PHF20L1: variants seen among roughly 807,000 people sequenced by gnomAD.
PHF20L1 encodes PHD finger protein 20 like 1.
A neutral mutation model predicts 125.5 loss-of-function variants in PHF20L1; 44 were observed. The observed-to-expected ratio is 0.35, with a 90% confidence interval of 0.28 to 0.45. The LOEUF (loss-of-function observed/expected upper bound fraction) is 0.45. Among genes scored for constraint, PHF20L1 ranks in the 20% least tolerant of loss-of-function variants. The pLI is 1.00. For missense variants in PHF20L1, 1,012 were observed against 1,217.2 expected (o/e 0.83, Z 2.51); for synonymous variants, 380 against 403.1 (o/e 0.94, Z 0.69).
intron 2 of PHF20L1, among the ~76,000 whole-genome samples, 171 bp downstream of exon 2, chr8:132,778,082 A>C (rs1256111083): frequency 6.6e-6 from 1 of 152,192 alleles, no homozygotes; most frequent in African/African-American, 2.4e-5. Flanking sequence ...TTTTAGGTTT[A>C]GCATTTAAAA....
chr8:132,828,223 C>G (rs1327418292), intron 14 of PHF20L1, among the ~76,000 whole-genome samples: 1 of 151,968 alleles, frequency 6.6e-6, no homozygotes, highest in Non-Finnish European at 1.5e-5. Context: ...CCTGCTGGTA[C>G]TTATGTACCC....
At position 132,836,609 on chromosome 8, in the gene PHF20L1, A is replaced by G. The variant is rs1837387179; in HGVS notation, c.1979A>G (p.Asn660Ser). 5.6e-6 allele frequency: 9 copies of G among 1,612,360 alleles called. No individual in the cohort carries two copies. The highest frequency in any genetic ancestry group is 1.1e-5 in the South Asian group (1 of 91,048). Reference sequence around the variant, plus strand: ...TTGCTTCTGAGTGGGGATGAATACAATCAGGACTTTGATTCAACCAATTTT... The same window carrying G: ...TTGCTTCTGAGTGGGGATGAATACAGTCAGGACTTTGATTCAACCAATTTT... Reference protein sequence around the residue: ...ESLLLSGDEYNQDFDSTNFEE... With the variant: ...ESLLLSGDEYSQDFDSTNFEE... The change falls in exon 16 of 21, where the codon AAT (asparagine) becomes AGT (serine). Residue 660 changes from asparagine to serine, a missense_variant. By Grantham distance (46) the Asn-to-Ser change is conservative. Transcript: ENST00000395386.
At chr8:132,793,873 A>G (rs1832072789) in intron 2 of PHF20L1, among the ~76,000 whole-genome samples, 1 of 152,150 alleles carries the variant, frequency 6.6e-6, no homozygotes. Flanking sequence ...GCTAGACAAA[A>G]TTTACATATT....
At position 132,817,044 on chromosome 8, in the gene PHF20L1, C is replaced by G; in HGVS notation, c.1340C>G (p.Ser447Cys). The G allele has an allele frequency of 6.3e-7, 1 of 1,593,472 alleles. No individual in the cohort carries two copies. The highest frequency in any genetic ancestry group is 1.1e-5 in the South Asian group (1 of 88,178). Residue 447 changes from serine to cysteine, a missense_variant, in exon 11 of 21, where the codon TCT becomes TGT. By Grantham distance (112) the Ser-to-Cys change is moderately radical. This residue lies in a region of PHF20L1 where 320 missense variants were observed against 293.8 expected (regional missense o/e 1.09). Coordinates refer to ENST00000395386, the MANE Select transcript of PHF20L1 (RefSeq NM_016018.5). ...ATDGKVFSIS[S>C]QNQQESSVPE... is the part of the protein sequence containing the mutation. ...GATGGGAAAGTATTCTCCATCAGTT[C>G]TCAAAATCAGCAAGAATCTTCAGTA...
intron 1 of PHF20L1, 97 bp downstream of exon 1, chr8:132,775,742 C>A: frequency 3.6e-6 from 1 of 280,778 alleles, no homozygotes; most frequent in Non-Finnish European, 6.6e-6. Context: ...GGCCCGCTCC[C>A]CTCCCGCCTC....
At chr8:132,835,116 T>A (rs1194354612) in intron 15 of PHF20L1, among the ~76,000 whole-genome samples, 1 of 152,152 alleles carries the variant, frequency 6.6e-6, no homozygotes, top group African/African-American at 2.4e-5. Flanking sequence ...AAATATTCTC[T>A]CTCTGACTCT....
intron 5 of PHF20L1, 60 bp downstream of exon 5, chr8:132,798,920 C>A: frequency 8.5e-7 from 1 of 1,180,498 alleles, no homozygotes; most frequent in Non-Finnish European, 1.2e-6. Flanking sequence ...GGTGACTGAT[C>A]AAAATATATT....
intron 14 of PHF20L1, chr8:132,826,035 A>G (rs1430699550): frequency 6.6e-6 from 1 of 152,098 alleles, no homozygotes; most frequent in African/African-American, 2.4e-5. Flanking sequence ...TTTATTTTAA[A>G]TGATTTAAGT....
intron 9 of PHF20L1, chr8:132,812,729 C>G (rs1834539308): frequency 2.0e-6 from 2 of 983,502 alleles, no homozygotes; most frequent in Non-Finnish European, 2.4e-6. Context: ...AGTTATAAAG[C>G]TCTTAATTAC....
intron 14 of PHF20L1, among the ~76,000 whole-genome samples, chr8:132,825,630 G>A (rs1402771621): frequency 2.0e-5 from 3 of 151,980 alleles, no homozygotes; most frequent in Non-Finnish European, 2.9e-5. Flanking sequence ...TGGTAGACTC[G>A]ATGCCCTGAC....
chr8:132,819,760 A>G (rs1835376812), intron 12 of PHF20L1, among the ~76,000 whole-genome samples: 1 of 151,956 alleles, frequency 6.6e-6, no homozygotes, highest in Non-Finnish European at 1.5e-5. Context: ...TTATAAAAGT[A>G]AATTTTCTTA....
chr8:132,804,548 T>A, intron 7 of PHF20L1, 67 bp from the exon 8 acceptor site: 1 of 1,286,660 alleles, frequency 7.8e-7, no homozygotes, highest in Non-Finnish European at 1.1e-6. Context: ...TATTTTGCTG[T>A]TAAAAAATCA....
chr8:132,787,979 T>TACCA (rs991721891), intron 2 of PHF20L1, among the ~76,000 whole-genome samples: 3 of 152,136 alleles, frequency 2.0e-5, no homozygotes, highest in Non-Finnish European at 2.9e-5. Flanking sequence ...TTTTTATGAC[T>TACCA]ACCATAGTTA....
chr8:132,807,054 T>C (rs1833797513), intron 8 of PHF20L1: 1 of 152,030 alleles, frequency 6.6e-6, no homozygotes, highest in Non-Finnish European at 1.5e-5. Flanking sequence ...TAGGTAGACA[T>C]TGACAATATA....
chr8:132,834,612 G>T (rs2131864522), intron 15 of PHF20L1, among the ~76,000 whole-genome samples: 1 of 152,176 alleles, frequency 6.6e-6, no homozygotes, highest in Non-Finnish European at 1.5e-5. Context: ...GGGACTAGAG[G>T]TGTGAGCCGC....
At chr8:132,808,323 G>C (rs1161618965) in intron 8 of PHF20L1, 1 of 152,064 alleles carries the variant, frequency 6.6e-6, no homozygotes, top group Non-Finnish European at 1.5e-5. Flanking sequence ...TTAATAAACT[G>C]GGTCTGTAAT....
chr8:132,822,157 AG>A (rs1245966900), intron 12 of PHF20L1, among the ~76,000 whole-genome samples: 2 of 151,942 alleles, frequency 1.3e-5, no homozygotes, highest in East Asian at 3.9e-4. Flanking sequence ...TGAAATCGAA[AG>A]GTTTGGGAAC....
chr8:132,778,033 A>G, intron 2 of PHF20L1, 122 bp downstream of exon 2: 1 of 630,710 alleles, frequency 1.6e-6, no homozygotes, highest in Admixed American at 2.9e-5. Context: ...TTTCGATTAC[A>G]CATATATGTT....
At chr8:132,785,213 G>A (rs1399076585) in intron 2 of PHF20L1, among the ~76,000 whole-genome samples, 4 of 152,114 alleles carry the variant, frequency 2.6e-5, no homozygotes, top group Non-Finnish European at 5.9e-5. Context: ...CATTCCTGCC[G>A]AATGTTATTA....
Sources: allele counts gnomAD v4.1 joint callset (sites outside exome capture counted in the v4.1 genomes callset), GRCh38; gene constraint gnomAD v4.1.1; regional missense constraint gnomAD v4.1.1; transcripts MANE v1.5; gene names NCBI Gene and HGNC (gene_info 2026-07-23, HGNC 2026-07-21).